The following PLEKHG1 variants were observed in gnomAD, a reference collection of about 807,000 sequenced individuals.
PLEKHG1 encodes the protein pleckstrin homology and RhoGEF domain containing G1, also known as pleckstrin homology domain-containing family G member 1.
Under a neutral mutation model 100.8 loss-of-function variants are expected in PLEKHG1, and 44 were observed. That is an observed-to-expected ratio of 0.44 (90% confidence interval 0.34 to 0.56). PLEKHG1 has a LOEUF of 0.56. Among genes scored for constraint, PLEKHG1 ranks in the 20% least tolerant of loss-of-function variants. PLEKHG1 has a pLI of 0.01. For missense variants in PLEKHG1, 1,545 were observed against 1,720.9 expected (o/e 0.90, Z 1.81); for synonymous variants, 640 against 662.5 (o/e 0.97, Z 0.52).
At chr6:150,674,623 TCTCTCCTCC>T (rs1562427332) in intron 3 of PLEKHG1, among the ~76,000 whole-genome samples, 3 of 104,898 alleles carry the variant, frequency 2.9e-5, no homozygotes, top group Non-Finnish European at 4.3e-5. Context: ...TAACTTTCTC[TCTCTCCTCC>T]CTCTCTCTCT....
rs555123685 is a variant in PLEKHG1, at chr6:150,706,656, A to T, written c.-98-26928A>T. 4.6e-5 allele frequency among the ~76,000 whole-genome samples: 7 copies of T among 151,762 alleles called. 1 individual carries two copies. In the South Asian group the frequency reaches 1.5e-3, roughly 32 times the overall value. On this transcript the variant is annotated intron_variant, in intron 3 of 3. Coordinates refer to the PLEKHG1 transcript ENST00000367326. ...AAACAAAAACAAAACAGGAACTATG[A>T]CACCAGTTATCTGTTTGGTTTGGCA...
At chr6:150,697,600 G>T (rs1780599683) in intron 3 of PLEKHG1, among the ~76,000 whole-genome samples, 1 of 152,192 alleles carries the variant, frequency 6.6e-6, no homozygotes, top group South Asian at 2.1e-4. Context: ...CAGAAGTTTG[G>T]TTGGTCATTC....
chr6:150,726,935 T>A (rs986725044), intron 1 of PLEKHG1, among the ~76,000 whole-genome samples: 43 of 152,358 alleles, frequency 2.8e-4, no homozygotes, highest in African/African-American at 9.1e-4. Flanking sequence ...TAAACATTTT[T>A]TAAAGCATTA....
chr6:150,762,593 G>T (rs986288586), intron 2 of PLEKHG1, among the ~76,000 whole-genome samples: 8 of 151,994 alleles, frequency 5.3e-5, no homozygotes, highest in Non-Finnish European at 1.2e-4. Flanking sequence ...TTCTACATTG[G>T]ATTTTCAGTA....
At chr6:150,679,314 T>C (rs1779861214) in intron 3 of PLEKHG1, among the ~76,000 whole-genome samples, 1 of 152,252 alleles carries the variant, frequency 6.6e-6, no homozygotes, top group Non-Finnish European at 1.5e-5. Flanking sequence ...AGTTATTTGT[T>C]AAATTTCTTG....
chr6:150,674,632 C>CTCTCTCTCTCTCTCTCT lies in PLEKHG1; in HGVS notation c.-99+23846_-99+23847insTCTCTCTCTCTCTCTCT, dbSNP rs1562427503. 9.6e-4 allele frequency among the ~76,000 whole-genome samples: 64 copies of CTCTCTCTCTCTCTCTCT among 66,330 alleles called. 8 individuals carry two copies. Among genetic ancestry groups the CTCTCTCTCTCTCTCTCT allele is most frequent in the African/African-American group, 1.6e-3 (23 of 14,678 alleles). 43.5% of individuals were successfully genotyped at this position (66,330 alleles called of 152,430 possible). ...CACCTGTAACTTTCTCTCTCTCCTCCCTCTCTCTCTCTCTCTCTCTCTCTC... is the reference window on the plus strand; with the variant it reads ...CACCTGTAACTTTCTCTCTCTCCTCCTCTCTCTCTCTCTCTCTCTCTCTCTCTCTCTCTCTCTCTCTC... On this transcript the variant is annotated intron_variant, in intron 3 of 3. Transcript: ENST00000367326.
Position 150,683,401 on chromosome 6 carries a change from C to T in PLEKHG1, c.-99+32615C>T, listed in dbSNP as rs902274774. Among the ~76,000 whole-genome samples, 8 of 151,658 alleles carry T rather than the reference C, an allele frequency of 5.3e-5. No individual in the cohort carries two copies. The highest frequency in any genetic ancestry group is 3.9e-4 in the East Asian group (2 of 5,134). ...GTGTATATTACAATAAGACAGGTTC[C>T]GGAGGGAAATGACTTCATGGGCTCA... On this transcript the variant is annotated intron_variant, in intron 3 of 3. Transcript: ENST00000367326. This position sits in a 1 kb window ranked among gnomAD's most constrained non-coding sequence, Gnocchi z 4.0.
intron 1 of PLEKHG1, among the ~76,000 whole-genome samples, chr6:150,731,602 A>G (rs2128616437): frequency 6.6e-6 from 1 of 152,300 alleles, no homozygotes; most frequent in East Asian, 1.9e-4. Context: ...GATCATTACT[A>G]TGTATTCTTT....
At chr6:150,775,580 A>G (rs974362249) in intron 3 of PLEKHG1, among the ~76,000 whole-genome samples, 2 of 152,166 alleles carry the variant, frequency 1.3e-5, no homozygotes, top group Non-Finnish European at 2.9e-5. Flanking sequence ...CCACATAATC[A>G]AGGAAGGAAC....
At chr6:150,833,058 T>C (rs565882507) in intron 15 of PLEKHG1, among the ~76,000 whole-genome samples, 1,799 of 151,482 alleles carry the variant, frequency 0.012, 15 homozygotes, top group Non-Finnish European at 0.018. Context: ...TTTTTTTTTT[T>C]TTGAGATAGG....
chr6:150,702,776 A>G (rs1043853506), intron 3 of PLEKHG1, among the ~76,000 whole-genome samples: 1 of 152,214 alleles, frequency 6.6e-6, no homozygotes, highest in African/African-American at 2.4e-5. Flanking sequence ...TTCTAAATCT[A>G]TCTAGAACCT....
At chr6:150,823,064 T>C (rs996542092) in intron 13 of PLEKHG1, among the ~76,000 whole-genome samples, 9 of 152,214 alleles carry the variant, frequency 5.9e-5, no homozygotes, top group African/African-American at 1.9e-4. Context: ...CATTCAGCTG[T>C]TAACTGTTGT....
chr6:150,754,722 G>A (rs13211603), intron 2 of PLEKHG1, among the ~76,000 whole-genome samples: 26,006 of 150,582 alleles, frequency 0.17, 3,978 homozygotes, highest in African/African-American at 0.41. Flanking sequence ...AGGCTGGAGG[G>A]CAATGGCACA....
intron 2 of PLEKHG1, among the ~76,000 whole-genome samples, chr6:150,739,762 C>T (rs1030355120): frequency 1.3e-5 from 2 of 152,076 alleles, no homozygotes; most frequent in African/African-American, 4.8e-5. Context: ...TTATGGGAAG[C>T]ATTCAGCATT....
chr6:150,830,447 A>G (rs1265131058), intron 14 of PLEKHG1, 135 bp from the exon 16 acceptor site: 4 of 647,508 alleles, frequency 6.2e-6, no homozygotes, highest in Non-Finnish European at 1.0e-5. Context: ...ACACAGCAAG[A>G]CCCTATCTCA....
intron 1 of PLEKHG1, among the ~76,000 whole-genome samples, chr6:150,726,076 C>T (rs546861945): frequency 1.3e-5 from 2 of 152,162 alleles, no homozygotes; most frequent in South Asian, 2.1e-4. Flanking sequence ...CAAACTCATA[C>T]AAGAAAAGAC....
chr6:150,600,137 G>C lies in PLEKHG1; in HGVS notation c.-204+120G>C, dbSNP rs1395364908. ...GGGGCCGGGCGGAGCGTGGTACCCG[G>C]GCCCCGCCGGCCCCCTGCGCGCCCC... On this transcript the variant is annotated intron_variant, in intron 1 of 3. Coordinates refer to the PLEKHG1 transcript ENST00000367326. This position sits in a 1 kb window ranked among gnomAD's most constrained non-coding sequence, Gnocchi z 6.2. The C allele has an allele frequency of 1.9e-5, 3 of 156,674 alleles. No individual in the cohort carries two copies. Among genetic ancestry groups the C allele is most frequent in the African/African-American group, 7.3e-5 (3 of 41,290 alleles). 9.7% of individuals were successfully genotyped at this position (156,674 alleles called of 1,614,324 possible).
chr6:150,726,772 A>G (rs1781983439), intron 1 of PLEKHG1, among the ~76,000 whole-genome samples: 3 of 152,222 alleles, frequency 2.0e-5, no homozygotes, highest in Admixed American at 2.0e-4. Flanking sequence ...GAGGAATTCT[A>G]GTCCTGGCCC....
intron 2 of PLEKHG1, among the ~76,000 whole-genome samples, chr6:150,741,318 T>G (rs1001753514): frequency 1.1e-4 from 17 of 152,202 alleles, no homozygotes; most frequent in Non-Finnish European, 7.3e-5. Context: ...TTGTGACTGA[T>G]GTCAGGTTGG....
Sources: gnomAD v4.1 joint callset for allele counts (sites outside exome capture counted in the v4.1 genomes callset) on GRCh38, gnomAD v4.1.1 for gene constraint, Gnocchi (gnomAD v3.1) non-coding constraint, MANE v1.5 for transcripts, NCBI Gene and HGNC (gene_info 2026-07-23, HGNC 2026-07-21) for gene names.